NLRP8: variants seen among roughly 807,000 people sequenced by gnomAD.
NLRP8 encodes NACHT, LRR and PYD domains-containing protein 8.
NLRP8 carries 86 observed loss-of-function variants against 88.7 expected under a neutral mutation model. That is an observed-to-expected ratio of 0.97 (90% confidence interval 0.81 to 1.16). The LOEUF (loss-of-function observed/expected upper bound fraction) is 1.16. NLRP8 is among the 50% of genes most tolerant of loss of function. NLRP8 has a pLI of 0.00. For synonymous variants in NLRP8, 504 were observed against 494.6 expected (o/e 1.02, Z -0.25); for missense variants, 1,342 against 1,286.5 (o/e 1.04, Z -0.66).
Position 55,978,932 on chromosome 19 carries a change from A to AT in NLRP8, c.2877-453dup, listed in dbSNP as rs371291045. 1.3e-3 allele frequency among the ~76,000 whole-genome samples: 195 copies of AT among 151,850 alleles called. 1 individual carries two copies. The highest frequency in any genetic ancestry group is 4.6e-3 in the African/African-American group (192 of 41,400). On this transcript the variant is annotated intron_variant, in intron 8 of 9. Transcript: ENST00000291971. ...GAGTGAGACTCAGTCTCCAAAAAAA[A>AT]TTTTTTTTTAAAAAGATCCAAACAC...
intron 1 of NLRP8, among the ~76,000 whole-genome samples, chr19:55,950,424 AACAC>A (rs113284539): frequency 2.7e-5 from 4 of 149,078 alleles, no homozygotes; most frequent in Non-Finnish European, 3.0e-5. Flanking sequence ...CATCTCAAGA[AACAC>A]ACACACACAC....
chr19:55,978,385 C>T (rs1980435124), intron 8 of NLRP8, among the ~76,000 whole-genome samples: 1 of 151,982 alleles, frequency 6.6e-6, no homozygotes, highest in African/African-American at 2.4e-5. Flanking sequence ...CTGCTTATAA[C>T]AGAATACCTG....
At chr19:55,964,002 T>G (rs1979728636) in intron 4 of NLRP8, among the ~76,000 whole-genome samples, 1 of 152,174 alleles carries the variant, frequency 6.6e-6, no homozygotes, top group Admixed American at 6.5e-5. Flanking sequence ...GGCATGAGTT[T>G]ACATCATTAC....
At position 55,970,639 on chromosome 19, in the gene NLRP8, A is replaced by C. The variant is rs756102635; in HGVS notation, c.2477A>C (p.Asn826Thr). Residue 826 changes from asparagine (N) to threonine (T), a missense_variant, in exon 6 of 10, where the codon AAC (asparagine) becomes ACC (threonine). By Grantham distance (65) the Asn-to-Thr change is moderately conservative (BLOSUM62 0). Coordinates refer to ENST00000291971, the MANE Select transcript of NLRP8 (RefSeq NM_176811.2). Reference sequence around the variant, plus strand: ...CTAAAGACTCTCATACTAAGAAAAAACTCCCTGGAGAACTGTGGGGCGTAT... The same window carrying C: ...CTAAAGACTCTCATACTAAGAAAAACCTCCCTGGAGAACTGTGGGGCGTAT... 90 of 1,612,176 alleles carry C rather than the reference A, an allele frequency of 5.6e-5. No individual in the cohort carries two copies. The highest frequency in any genetic ancestry group is 7.0e-5 in the Non-Finnish European group (83 of 1,179,620).
Position 55,948,255 on chromosome 19 carries a change from G to T in NLRP8, c.353G>T (p.Arg118Leu). 1.2e-6 allele frequency: 2 copies of T among 1,612,400 alleles called. No homozygotes were observed. The highest frequency in any genetic ancestry group is 1.7e-6 in the Non-Finnish European group (2 of 1,178,690). Residue 118 changes from arginine to leucine, a missense_variant, in exon 1 of 10, where the codon CGC (arginine) becomes CTC (leucine). Arg to Leu is a moderately radical substitution (Grantham distance 102). Transcript: ENST00000291971. ...TGTGATAAAATGTGTGTTGTAGTCCGCAGAGAGATAAATGGTGAGTGTTGA... is the reference window on the plus strand; with the variant it reads ...TGTGATAAAATGTGTGTTGTAGTCCTCAGAGAGATAAATGGTGAGTGTTGA...
rs1370690374 is a variant in NLRP8 at position 55,962,330 on chromosome 19, T to A, written c.2213+93T>A. ...CATTCCCTCTCCACTCACACTAGAC[T>A]TCCGGAAAGCACCCATGTCCAGCCT... On this transcript the variant is annotated intron_variant, in intron 4 of 9. Coordinates refer to ENST00000291971, the MANE Select transcript of NLRP8 (RefSeq NM_176811.2). The A allele has an allele frequency of 8.2e-6, 11 of 1,341,926 alleles. No individual in the cohort carries two copies. The East Asian group carries it at 2.6e-4, about 31-fold the overall frequency. The allele number at this position is 1,341,926 out of a possible 1,614,324, so 83.1% of individuals were successfully genotyped here. A position where few individuals can be genotyped will look rare whatever the true frequency, so the allele number is the denominator to read the frequency against.
rs373685679 is a variant in NLRP8, at chr19:55,976,063, C to CGTTGTT, written c.2706-54_2706-49dup. Reference sequence around the variant, plus strand: ...AAGAAGTAAAACCTAAGGGTGTTTTCGTTGTTGTTGTTGTTGTTGTTTTGT... The same window carrying CGTTGTT: ...AAGAAGTAAAACCTAAGGGTGTTTTCGTTGTTGTTGTTGTTGTTGTTGTTGTTTTGT... On this transcript the variant is annotated intron_variant, in intron 7 of 9. Coordinates refer to ENST00000291971, the MANE Select transcript of NLRP8 (RefSeq NM_176811.2). 3.6e-5 allele frequency: 47 copies of CGTTGTT among 1,305,142 alleles called. 1 individual carries two copies. In the East Asian group the frequency reaches 1.2e-3, roughly 33 times the overall value. 80.8% of individuals were successfully genotyped at this position (1,305,142 alleles called of 1,614,324 possible). A position where few individuals can be genotyped will look rare whatever the true frequency, so the allele number is the denominator to read the frequency against.
intron 1 of NLRP8, among the ~76,000 whole-genome samples, chr19:55,950,032 A>T (rs1979021427): frequency 6.6e-6 from 1 of 152,196 alleles, no homozygotes; most frequent in Admixed American, 6.5e-5. Flanking sequence ...AGAAAATCAG[A>T]GGGGATGGAA....
At chr19:55,958,552 G>A (rs772420690) in intron 3 of NLRP8, among the ~76,000 whole-genome samples, 2 of 152,252 alleles carry the variant, frequency 1.3e-5, no homozygotes, top group South Asian at 2.1e-4. Flanking sequence ...ATTGGAGCCC[G>A]GCCATGCTTG....
chr19:55,981,539 A>T (rs1478192501), intron 9 of NLRP8, among the ~76,000 whole-genome samples: 1 of 152,230 alleles, frequency 6.6e-6, no homozygotes, highest in East Asian at 1.9e-4. Context: ...AAAAATATGC[A>T]TGAATGCAAT....
chr19:55,966,592 A>AG (rs1291827013), intron 5 of NLRP8, among the ~76,000 whole-genome samples: 2 of 152,162 alleles, frequency 1.3e-5, no homozygotes, highest in African/African-American at 2.4e-5. Context: ...CACGAGGTAG[A>AG]GACCAACCTG....
chr19:55,968,439 C>CA (rs903887842), intron 5 of NLRP8, among the ~76,000 whole-genome samples: 40 of 151,216 alleles, frequency 2.6e-4, no homozygotes, highest in African/African-American at 9.0e-4. Flanking sequence ...AACTCCATCT[C>CA]AAAAAATAAA....
At chr19:55,970,958 C>T (rs189589601) in intron 6 of NLRP8, among the ~76,000 whole-genome samples, 158 of 152,186 alleles carry the variant, frequency 1.0e-3, no homozygotes, top group Non-Finnish European at 1.9e-3. Context: ...TCCATCATCC[C>T]GTTTATGAAA....
intron 5 of NLRP8, among the ~76,000 whole-genome samples, chr19:55,969,595 G>T (rs536938372): frequency 6.6e-6 from 1 of 152,278 alleles, no homozygotes; most frequent in South Asian, 2.1e-4. Flanking sequence ...TTCACATAAA[G>T]ACTTCTTTTC....
chr19:55,972,366 C>T (rs1227543544), intron 6 of NLRP8, among the ~76,000 whole-genome samples: 3 of 151,422 alleles, frequency 2.0e-5, no homozygotes, highest in African/African-American at 4.9e-5. Context: ...CCACCTGCCT[C>T]GACCTCCCAA....
intron 9 of NLRP8, among the ~76,000 whole-genome samples, chr19:55,981,509 G>T (rs1347615358): frequency 6.6e-6 from 1 of 151,906 alleles, no homozygotes; most frequent in African/African-American, 2.4e-5. Context: ...TATCTTCAAG[G>T]GTATTAGAAA....
intron 4 of NLRP8, among the ~76,000 whole-genome samples, chr19:55,964,773 A>G (rs1432308743): frequency 6.6e-6 from 1 of 151,816 alleles, no homozygotes; most frequent in Non-Finnish European, 1.5e-5. Context: ...AAAGAAAAAA[A>G]GAACTAGTTA....
chr19:55,957,676 TATATATA>T lies in NLRP8; in HGVS notation c.2042+1577_2042+1583del, dbSNP rs1414484726. ...CTTAAAAAAGAAAAAATAATAATTA[TATATATA>T]TATATATATATATATATATATATAT... On this transcript the variant is annotated intron_variant, in intron 3 of 9. Transcript: ENST00000291971. Among the ~76,000 whole-genome samples, 14 of 2,098 alleles carry T rather than the reference TATATATA, an allele frequency of 6.7e-3. 1 individual carries two copies. Among genetic ancestry groups the T allele is most frequent in the African/African-American group, 9.2e-3 (11 of 1,190 alleles). 1.4% of individuals were successfully genotyped at this position (2,098 alleles called of 152,430 possible).
At chr19:55,950,482 T>C (rs1255651822) in intron 1 of NLRP8, among the ~76,000 whole-genome samples, 5 of 152,016 alleles carry the variant, frequency 3.3e-5, no homozygotes, top group Admixed American at 2.6e-4. Context: ...TCATTGTTCA[T>C]GGATTCTGTA....
Sources: allele counts gnomAD v4.1 joint callset (sites outside exome capture counted in the v4.1 genomes callset), GRCh38; gene constraint gnomAD v4.1.1; transcripts MANE v1.5; gene names NCBI Gene and HGNC (gene_info 2026-07-23, HGNC 2026-07-21).